DPEP1: variants seen among roughly 807,000 people sequenced by gnomAD.
DPEP1 encodes dipeptidase 1, also known as beta-lactamase.
Under a neutral mutation model 42.3 loss-of-function variants are expected in DPEP1, and 50 were observed. The observed-to-expected ratio is 1.18, with a 90% CI of 0.94 to 1.50. DPEP1 has a LOEUF of 1.50. DPEP1 is among the 40% of genes most tolerant of loss of function. The pLI is 0.00. For missense variants in DPEP1, 663 were observed against 553.0 expected (o/e 1.20, Z -1.99); for synonymous variants, 297 against 234.0 (o/e 1.27, Z -2.46).
rs756409670 is a variant in DPEP1 at position 89,630,462 on chromosome 16, T to G, written c.52T>G (p.Phe18Val). The change falls in exon 2 of 11, where the codon TTC becomes GTC. Residue 18 changes from phenylalanine to valine, a missense_variant. Transcript: ENST00000690203. The stretch of plus-strand genomic sequence containing the variant: ...CCTTGTGGCCGTCTGCACTGCAGAC[T>G]TCTTTCGGGACGAGGCAGAGAGGAT... ...WPLVAVCTAD[F>V]FRDEAERIMR... 3.7e-6 allele frequency: 6 copies of G among 1,610,992 alleles called. No homozygotes were observed. The Admixed American group carries it at 8.4e-5, about 22-fold the overall frequency.
At chr16:89,621,653 C>T (rs548432891) in intron 1 of DPEP1, among the ~76,000 whole-genome samples, 23 of 152,312 alleles carry the variant, frequency 1.5e-4, no homozygotes, top group Non-Finnish European at 2.9e-4. Context: ...TGTGGGCTCC[C>T]GTCCCTCGCA....
intron 1 of DPEP1, among the ~76,000 whole-genome samples, chr16:89,615,668 A>ACCCC (rs1036583364): frequency 1.3e-5 from 2 of 151,976 alleles, no homozygotes; most frequent in African/African-American, 4.8e-5. Context: ...AGCCCCCAGG[A>ACCCC]CCCCGCCTTG....
downstream of DPEP1, chr16:89,638,547 C>A: frequency 9.0e-7 from 1 of 1,106,842 alleles, no homozygotes; most frequent in African/African-American, 1.6e-5. Flanking sequence ...TCGGTCCAGG[C>A]CAGAAGGGCT....
At chr16:89,617,933 A>G (rs572326192) in intron 1 of DPEP1, among the ~76,000 whole-genome samples, 68 of 152,314 alleles carry the variant, frequency 4.5e-4, no homozygotes, top group African/African-American at 1.5e-3. Flanking sequence ...CTGAGGCACA[A>G]GAATCACTTG....
chr16:89,636,783 C>T (rs1424911742), intron 5 of DPEP1, 83 bp from the exon 6 acceptor site: 1 of 1,601,982 alleles, frequency 6.2e-7, no homozygotes, highest in African/African-American at 1.3e-5. Context: ...GCCTGTGAGT[C>T]CCAGGCCGGG....
intron 1 of DPEP1, among the ~76,000 whole-genome samples, chr16:89,620,214 GT>G (rs1481426011): frequency 6.6e-6 from 1 of 152,112 alleles, no homozygotes; most frequent in African/African-American, 2.4e-5. Context: ...TGAGGACGGA[GT>G]TTGTCCCAAC....
chr16:89,630,317 C>G lies in DPEP1; in HGVS notation c.-94C>G. 1 of 1,027,524 alleles carries G rather than the reference C, an allele frequency of 9.7e-7. No individual in the cohort carries two copies. Among genetic ancestry groups the G allele is most frequent in the Non-Finnish European group, 1.5e-6 (1 of 686,646 alleles). 63.7% of individuals were successfully genotyped at this position (1,027,524 alleles called of 1,614,324 possible). ...CCTCTCCTGGCAGGCAGAGTGGCTC[C>G]TCACAGCCTGAAGCTCATCCTTCTG... On this transcript the variant is annotated 5_prime_UTR_variant, in exon 2 of 11. Transcript: ENST00000690203.
rs1321683834 is a variant in DPEP1, at chr16:89,628,183, C to T, written c.-106-2122C>T. On this transcript the variant is annotated intron_variant, in intron 1 of 10. Transcript: ENST00000690203. ...GTGATCCACCCGCCTCGGCCTCCCA[C>T]AGTGCTGGGATTACAGGCGTGAGCC... Among the ~76,000 whole-genome samples, 4 of 151,822 alleles carry T rather than the reference C, an allele frequency of 2.6e-5. No homozygotes were observed. The East Asian group carries it at 7.7e-4, about 29-fold the overall frequency.
chr16:89,618,321 A>G (rs1312216859), intron 1 of DPEP1, among the ~76,000 whole-genome samples: 1 of 152,172 alleles, frequency 6.6e-6, no homozygotes, highest in Non-Finnish European at 1.5e-5. Flanking sequence ...GACTCAAGCC[A>G]TCTTCCTGCC....
At chr16:89,616,147 C>T (rs1453332380) in intron 1 of DPEP1, among the ~76,000 whole-genome samples, 5 of 113,508 alleles carry the variant, frequency 4.4e-5, no homozygotes, top group Non-Finnish European at 8.9e-5. Context: ...AGGCTGGGTC[C>T]GTGGGGCTTC....
intron 2 of DPEP1, among the ~76,000 whole-genome samples, chr16:89,632,980 C>G (rs1387837150): frequency 6.6e-6 from 1 of 152,240 alleles, no homozygotes; most frequent in African/African-American, 2.4e-5. Flanking sequence ...GAGCAGAGAG[C>G]TGCCCCATTG....
rs866213715 is a variant in DPEP1 at position 89,630,345 on chromosome 16, C to G, written c.-66C>G. ...ACAGCCTGAAGCTCATCCTTCTGCACGGGCCAGCCAGGCCAGCACAGAGGC... is the reference window on the plus strand; with the variant it reads ...ACAGCCTGAAGCTCATCCTTCTGCAGGGGCCAGCCAGGCCAGCACAGAGGC... On this transcript the variant is annotated 5_prime_UTR_variant, in exon 2 of 11. Transcript: ENST00000690203. 2.2e-6 allele frequency: 3 copies of G among 1,384,706 alleles called. No individual in the cohort carries two copies. The highest frequency in any genetic ancestry group is 3.0e-6 in the Non-Finnish European group (3 of 989,356). The allele number at this position is 1,384,706 out of a possible 1,614,324, so 85.8% of individuals were successfully genotyped here.
intron 2 of DPEP1, among the ~76,000 whole-genome samples, chr16:89,631,842 G>T (rs1330624645): frequency 6.6e-6 from 1 of 152,110 alleles, no homozygotes; most frequent in African/African-American, 2.4e-5. Context: ...GGGCAACAGA[G>T]TGAGACTCCA....
chr16:89,617,895 G>A (rs950438090), intron 1 of DPEP1, among the ~76,000 whole-genome samples: 7 of 151,672 alleles, frequency 4.6e-5, no homozygotes, highest in African/African-American at 9.7e-5. Context: ...GTGGTGGCAT[G>A]CACCTGTAAT....
At chr16:89,622,679 G>A (rs2059460385) in intron 1 of DPEP1, among the ~76,000 whole-genome samples, 2 of 151,814 alleles carry the variant, frequency 1.3e-5, no homozygotes, top group South Asian at 2.1e-4. Flanking sequence ...AGCTACTTGG[G>A]AGGCTGAGGC....
chr16:89,614,936 C>G (rs2059367858), intron 1 of DPEP1, among the ~76,000 whole-genome samples: 1 of 152,186 alleles, frequency 6.6e-6, no homozygotes, highest in Non-Finnish European at 1.5e-5. Context: ...AGGGCAGAAC[C>G]TACTTCGGCC....
rs764462954 is a variant in DPEP1, at chr16:89,636,604, A to G, written c.442A>G (p.Ser148Gly). ...IGVEGGHSIDSSLGVLRALYQ... is the reference protein window; with the variant it reads ...IGVEGGHSIDGSLGVLRALYQ... ...CGTGGAGGGCGGCCACTCCATTGACAGCAGTTTGGGCGTCCTGCGGGCACT... is the reference window on the plus strand; with the variant it reads ...CGTGGAGGGCGGCCACTCCATTGACGGCAGTTTGGGCGTCCTGCGGGCACT... Residue 148 changes from serine (S) to glycine (G), a missense_variant, in exon 5 of 11, where the codon AGC becomes GGC. Ser to Gly is a moderately conservative substitution (Grantham distance 56). Transcript: ENST00000690203. 2.5e-6 allele frequency: 4 copies of G among 1,612,490 alleles called. No individual in the cohort carries two copies. In the African/African-American group the frequency reaches 5.3e-5, roughly 22 times the overall value.
intron 5 of DPEP1, 22 bp downstream of exon 5, chr16:89,636,705 G>GC (rs2059685511): frequency 6.2e-7 from 1 of 1,610,932 alleles, no homozygotes; most frequent in African/African-American, 1.3e-5. Context: ...CCCATGGGAG[G>GC]CCCCCGGGCT....
At chr16:89,639,224 C>T (rs1478151386), downstream of DPEP1, among the ~76,000 whole-genome samples, 13 of 53,738 alleles carry the variant, frequency 2.4e-4, no homozygotes, top group African/African-American at 7.3e-4. Flanking sequence ...ACGCACACAC[C>T]GCACCCCTGC....
Sources: allele counts gnomAD v4.1 joint callset (sites outside exome capture counted in the v4.1 genomes callset), GRCh38; gene constraint gnomAD v4.1.1; transcripts MANE v1.5; gene names NCBI Gene and HGNC (gene_info 2026-07-23, HGNC 2026-07-21).